Variants in HGF observed in about 807,000 individuals in gnomAD.
HGF encodes the protein hepatocyte growth factor.
In HGF, 39 loss-of-function variants were observed where a neutral mutation model predicts 111.6. The ratio of observed to expected loss-of-function variants is 0.35; its 90% CI spans 0.27 to 0.46. The LOEUF is 0.46. Among genes scored for constraint, HGF ranks in the 20% least tolerant of loss-of-function variants. The pLI, the probability that HGF is intolerant of heterozygous loss-of-function variation, is 1.00. For missense variants in HGF, 735 were observed against 910.5 expected (o/e 0.81, Z 2.48); for synonymous variants, 285 against 294.8 (o/e 0.97, Z 0.34).
intron 8 of HGF, among the ~76,000 whole-genome samples, chr7:81,728,679 C>A (rs2115923271): frequency 6.6e-6 from 1 of 152,270 alleles, no homozygotes; most frequent in South Asian, 2.1e-4. Context: ...AAATAAATTA[C>A]AGAACTAGCT....
chr7:81,731,077 A>G (rs569222421), intron 7 of HGF, among the ~76,000 whole-genome samples: 5 of 152,286 alleles, frequency 3.3e-5, no homozygotes, highest in Non-Finnish European at 7.4e-5. Flanking sequence ...TTTCTACCTT[A>G]TGTAGTTAGT....
rs1418413500 is a variant in HGF, at chr7:81,762,775, T to G, written c.186A>C (p.Lys62Asn). ...CACATTGGTCTGCAGTATTCACTTT[T>G]TTGGTTTTTATCTTCAGTGCTGGAT... ...KIDPALKIKTKKVNTADQCAN... is the reference protein window; with the variant it reads ...KIDPALKIKTNKVNTADQCAN... Residue 62 changes from lysine (K) to asparagine (N), a missense_variant, in exon 2 of 18, where the codon AAA becomes AAC. By Grantham distance (94) the Lys-to-Asn change is moderately conservative. Coordinates refer to ENST00000222390, the MANE Select transcript of HGF (RefSeq NM_000601.6). The G allele has an allele frequency of 5.0e-6, 8 of 1,612,532 alleles. No individual in the cohort carries two copies. Among genetic ancestry groups the G allele is most frequent in the Non-Finnish European group, 6.8e-6 (8 of 1,178,764 alleles).
chr7:81,700,601 A>G lies in HGF; in HGVS notation c.*1980T>C, dbSNP rs1208034234. 6.6e-6 allele frequency: 1 copy of G among 151,572 alleles called. No individual in the cohort carries two copies. The highest frequency in any genetic ancestry group is 6.6e-5 in the Admixed American group (1 of 15,154). The allele number at this position is 151,572 out of a possible 1,614,324, so 9.4% of individuals were successfully genotyped here. A position where few individuals can be genotyped will look rare whatever the true frequency, so the allele number is the denominator to read the frequency against. ...CATTAATATGCAATAATAAAATTTCACTGGTTCAGCCAGAAGAAACTATGA... is the reference window on the plus strand; with the variant it reads ...CATTAATATGCAATAATAAAATTTCGCTGGTTCAGCCAGAAGAAACTATGA... On this transcript the variant is annotated 3_prime_UTR_variant, in exon 18 of 18. Coordinates refer to ENST00000222390, the MANE Select transcript of HGF (RefSeq NM_000601.6).
intron 11 of HGF, among the ~76,000 whole-genome samples, chr7:81,716,577 T>C (rs1789717909): frequency 6.6e-6 from 1 of 152,192 alleles, no homozygotes; most frequent in African/African-American, 2.4e-5. Flanking sequence ...TACTTTTTTC[T>C]CCTGAATTCT....
intron 6 of HGF, 58 bp from the exon 7 acceptor site, chr7:81,743,529 C>A: frequency 9.6e-7 from 1 of 1,046,096 alleles, no homozygotes; most frequent in Non-Finnish European, 1.5e-6. Context: ...CCACCCACCC[C>A]TCAGCTCACA....
At chr7:81,757,798 G>A (rs1279989215) in intron 3 of HGF, among the ~76,000 whole-genome samples, 1 of 151,762 alleles carries the variant, frequency 6.6e-6, no homozygotes, top group Non-Finnish European at 1.5e-5. Context: ...CATTTCCACT[G>A]CTGATAGGAC....
In HGF at chr7:81,706,381, C is replaced by T. The variant is rs779933934; in HGVS notation, c.1663G>A (p.Gly555Arg). ...TGTTTGCATTTCTCATCTCCTCTTCCGTGGACATCATGAATTCCAAGCCAA... is the reference window on the plus strand; with the variant it reads ...TGTTTGCATTTCTCATCTCCTCTTCTGTGGACATCATGAATTCCAAGCCAA... ...EAWLGIHDVH[G>R]RGDEKCKQVL... The change falls in exon 15 of 18, where the codon GGA (glycine) becomes AGA (arginine). Residue 555 changes from glycine to arginine, a missense_variant. By Grantham distance (125) the Gly-to-Arg change is moderately radical. Coordinates refer to ENST00000222390, the MANE Select transcript of HGF (RefSeq NM_000601.6). 8.7e-6 allele frequency: 14 copies of T among 1,611,822 alleles called. No individual in the cohort carries two copies. The East Asian group carries it at 1.1e-4, about 13-fold the overall frequency.
chr7:81,748,315 T>C (rs1191355749), intron 5 of HGF, among the ~76,000 whole-genome samples: 1 of 152,206 alleles, frequency 6.6e-6, no homozygotes, highest in African/African-American at 2.4e-5. Flanking sequence ...TCTCATCTAT[T>C]GGAGGAATTG....
intron 11 of HGF, among the ~76,000 whole-genome samples, chr7:81,716,542 G>T (rs1378261801): frequency 6.6e-6 from 1 of 151,776 alleles, no homozygotes; most frequent in Non-Finnish European, 1.5e-5. Context: ...TTATTTATTA[G>T]CTATATTTTT....
In HGF at chr7:81,717,431, C is replaced by T. The variant is rs1343676885; in HGVS notation, c.1272-66G>A. The T allele has an allele frequency of 4.2e-6, 6 of 1,421,406 alleles. No individual in the cohort carries two copies. In the Admixed American group the frequency reaches 1.0e-4, roughly 24 times the overall value. The allele number at this position is 1,421,406 out of a possible 1,614,324, so 88.0% of individuals were successfully genotyped here. A position where few individuals can be genotyped will look rare whatever the true frequency, so the allele number is the denominator to read the frequency against. ...TCCATCCAAGAGACACAAAATATTA[C>T]AAAAAGATATAATCTCAGCACATTA... On this transcript the variant is annotated intron_variant, in intron 10 of 17. Coordinates refer to ENST00000222390, the MANE Select transcript of HGF (RefSeq NM_000601.6).
chr7:81,713,260 T>C (rs970942517), intron 11 of HGF, among the ~76,000 whole-genome samples: 1 of 152,102 alleles, frequency 6.6e-6, no homozygotes. Flanking sequence ...TGGTGGCTCG[T>C]GCCTGCCTGT....
At chr7:81,722,336 T>TA (rs1335567254) in intron 9 of HGF, among the ~76,000 whole-genome samples, 1 of 151,872 alleles carries the variant, frequency 6.6e-6, no homozygotes, top group East Asian at 2.0e-4. Context: ...GCTAATTTTT[T>TA]ATATTTTTAG....
chr7:81,715,941 G>A (rs1789700898), intron 11 of HGF, among the ~76,000 whole-genome samples: 1 of 152,156 alleles, frequency 6.6e-6, no homozygotes, highest in Non-Finnish European at 1.5e-5. Context: ...CTAAAGAGAA[G>A]GTGGTTTAAC....
intron 13 of HGF, 75 bp downstream of exon 13, chr7:81,710,070 ATG>A: frequency 9.9e-7 from 1 of 1,006,248 alleles, no homozygotes; most frequent in Non-Finnish European, 1.6e-6. Context: ...TCAGGACCAC[ATG>A]TGTCCATATT....
chr7:81,747,267 A>C (rs1296864055), intron 5 of HGF, among the ~76,000 whole-genome samples: 1 of 152,178 alleles, frequency 6.6e-6, no homozygotes, highest in East Asian at 1.9e-4. Context: ...TGAACCCGGG[A>C]GATGGAGCTT....
chr7:81,742,497 A>G (rs900642432), intron 7 of HGF, among the ~76,000 whole-genome samples: 1 of 152,190 alleles, frequency 6.6e-6, no homozygotes, highest in Non-Finnish European at 1.5e-5. Context: ...GCCAATTTAT[A>G]ACATTATTAT....
At chr7:81,719,447 T>C (rs1789797568) in intron 10 of HGF, among the ~76,000 whole-genome samples, 1 of 152,192 alleles carries the variant, frequency 6.6e-6, no homozygotes, top group Non-Finnish European at 1.5e-5. Context: ...ACTGGCCACA[T>C]ATGGCTACTG....
At position 81,707,326 on chromosome 7, in the gene HGF, C is replaced by G. The variant is rs1789454743; in HGVS notation, c.1580G>C (p.Ser527Thr). ...HICGGSLIKE[S>T]WVLTARQCFP... ...ACACTGTCGTGCAGTAAGAACCCAA[C>G]TCTCCTTTATCAATGATCCTCCGCA... The change falls in exon 14 of 18, where the codon AGT becomes ACT. Residue 527 changes from serine (S) to threonine (T), a missense_variant. Physicochemically the swap from Ser to Thr is moderately conservative, Grantham distance 58. Coordinates refer to ENST00000222390, the MANE Select transcript of HGF (RefSeq NM_000601.6). 6.2e-7 allele frequency: 1 copy of G among 1,603,334 alleles called. No homozygotes were observed. Among genetic ancestry groups the G allele is most frequent in the Non-Finnish European group, 8.5e-7 (1 of 1,170,832 alleles).
intron 1 of HGF, among the ~76,000 whole-genome samples, chr7:81,767,302 A>AAAAAACAC (rs1562916138): frequency 6.6e-6 from 1 of 152,140 alleles, no homozygotes; most frequent in Non-Finnish European, 1.5e-5. Context: ...AAAGAAAAAA[A>AAAAAACAC]AAAAACACCA....
Sources: gnomAD v4.1 joint callset for allele counts (sites outside exome capture counted in the v4.1 genomes callset) on GRCh38, gnomAD v4.1.1 for gene constraint, MANE v1.5 for transcripts, NCBI Gene and HGNC (gene_info 2026-07-23, HGNC 2026-07-21) for gene names.